Variants in LOC400499 observed in about 807,000 individuals in gnomAD.
the LOC400499 span, among the ~76,000 whole-genome samples, chr16:11,512,851 C>T: frequency 2.6e-5 from 4 of 152,148 alleles, no homozygotes; most frequent in Admixed American, 1.3e-4. Flanking sequence ...GGTCGGTGTG[C>T]GGGGAGGGCA....
chr16:11,488,560 C>A, the LOC400499 span: 3 of 378,616 alleles, frequency 7.9e-6, no homozygotes, highest in Non-Finnish European at 1.4e-5. Context: ...GCTGGGATTA[C>A]AGGTTTCAGC....
the LOC400499 span, among the ~76,000 whole-genome samples, chr16:11,466,269 C>A: frequency 6.6e-6 from 1 of 152,140 alleles, no homozygotes; most frequent in Non-Finnish European, 1.5e-5. Context: ...CCAGCGCCAA[C>A]CAATAGAACT....
the LOC400499 span, chr16:11,401,401 C>T: frequency 1.5e-5 from 6 of 399,638 alleles, no homozygotes; most frequent in South Asian, 7.6e-4. Flanking sequence ...AGGAGGAGAC[C>T]AGCACCTAGG....
the LOC400499 span, among the ~76,000 whole-genome samples, chr16:11,448,603 T>C: frequency 1.3e-5 from 2 of 152,192 alleles, no homozygotes; most frequent in South Asian, 4.1e-4. Context: ...GGCATGTGCC[T>C]ATAGTTCTAA....
chr16:11,400,336 C>A, the LOC400499 span, among the ~76,000 whole-genome samples: 3 of 152,204 alleles, frequency 2.0e-5, 1 homozygote, highest in East Asian at 5.8e-4. Context: ...TCAAGCCCGG[C>A]TCCTTCCCAT....
the LOC400499 span, among the ~76,000 whole-genome samples, chr16:11,481,718 T>G: frequency 5.8e-4 from 88 of 152,284 alleles, no homozygotes; most frequent in African/African-American, 2.0e-3. Flanking sequence ...CGGCAACCCC[T>G]GCCTCCCGGT....
the LOC400499 span, among the ~76,000 whole-genome samples, chr16:11,520,831 C>CT: frequency 3.3e-5 from 5 of 152,044 alleles, no homozygotes; most frequent in Admixed American, 3.3e-4. Flanking sequence ...GATTTTTACA[C>CT]TTTTTTCTCT....
chr16:11,524,302 G>A, the LOC400499 span, among the ~76,000 whole-genome samples: 95 of 121,004 alleles, frequency 7.9e-4, 1 homozygote, highest in African/African-American at 2.9e-3. Flanking sequence ...CCCACTCCCC[G>A]CTGTTATCCA....
At chr16:11,399,491 C>T in the LOC400499 span, 18 of 398,934 alleles carry the variant, frequency 4.5e-5, 1 homozygote, top group South Asian at 1.5e-3. Context: ...CAAGTTCTGC[C>T]GCATGCGGTG....
At chr16:11,378,489 C>G in the LOC400499 span, among the ~76,000 whole-genome samples, 2 of 152,160 alleles carry the variant, frequency 1.3e-5, no homozygotes, top group East Asian at 3.8e-4. Context: ...GGCTCAAACT[C>G]CTGACCTCAG....
the LOC400499 span, among the ~76,000 whole-genome samples, chr16:11,456,424 T>A: frequency 6.6e-6 from 1 of 152,090 alleles, no homozygotes; most frequent in African/African-American, 2.4e-5. Flanking sequence ...CCCTGGAGTG[T>A]GTCTGGGGAA....
At chr16:11,487,787 C>T in the LOC400499 span, among the ~76,000 whole-genome samples, 51 of 152,242 alleles carry the variant, frequency 3.3e-4, no homozygotes, top group African/African-American at 1.1e-3. Flanking sequence ...AATTCACAGC[C>T]CTCAGCAAGC....
chr16:11,446,589 C>A, the LOC400499 span: 9 of 1,535,980 alleles, frequency 5.9e-6, no homozygotes, highest in Non-Finnish European at 7.8e-6. Flanking sequence ...CCTCTGTGTT[C>A]CTGGGGATGA....
chr16:11,385,473 AGGAGCCCAATGCCTGCTG>A, the LOC400499 span: 1 of 1,163,250 alleles, frequency 8.6e-7, no homozygotes, highest in Middle Eastern at 3.2e-4. Context: ...CCACCGCAGT[AGGAGCCCAATGCCTGCTG>A]GGTGCCCCGG....
At chr16:11,431,351 C>T in the LOC400499 span, 1 of 397,960 alleles carries the variant, frequency 2.5e-6, no homozygotes, top group Non-Finnish European at 4.4e-6. Flanking sequence ...CCTCTCTGGG[C>T]ATCAGTTTCT....
At chr16:11,514,279 C>A in the LOC400499 span, 1 of 398,878 alleles carries the variant, frequency 2.5e-6, no homozygotes, top group East Asian at 3.6e-5. Context: ...AGGAACGGAA[C>A]CTGGGCCTGC....
chr16:11,390,787 T>C, the LOC400499 span, among the ~76,000 whole-genome samples: 60,009 of 152,032 alleles, frequency 0.39, 12,242 homozygotes, highest in Non-Finnish European at 0.43. Flanking sequence ...CCCTGCTTGC[T>C]TCCTAGGAGT....
At chr16:11,413,681 G>A in the LOC400499 span, among the ~76,000 whole-genome samples, 1 of 152,182 alleles carries the variant, frequency 6.6e-6, no homozygotes, top group Non-Finnish European at 1.5e-5. Flanking sequence ...ACCCAGAGAT[G>A]ATGATGATGA....
chr16:11,483,994 C>CTT, the LOC400499 span, among the ~76,000 whole-genome samples: 3 of 34,856 alleles, frequency 8.6e-5, no homozygotes, highest in African/African-American at 1.3e-4. Context: ...GAGGAAGGGA[C>CTT]TTTTTTTTTT....
Sources: allele counts gnomAD v4.1 joint callset (sites outside exome capture counted in the v4.1 genomes callset), GRCh38; gene constraint gnomAD v4.1.1; transcripts MANE v1.5.